ATRN: variants seen among roughly 807,000 people sequenced by gnomAD.
The protein encoded by ATRN is attractin-2.
Under a neutral mutation model 178.7 loss-of-function variants are expected in ATRN, and 54 were observed. That is an observed-to-expected ratio of 0.30 (90% confidence interval 0.24 to 0.38). ATRN has a LOEUF of 0.38. Ranked by LOEUF, ATRN falls within the 10% of genes least tolerant of loss-of-function variation. The pLI is 1.00. For missense variants in ATRN, 1,443 were observed against 1,815.1 expected (o/e 0.79, Z 3.73); for synonymous variants, 636 against 663.0 (o/e 0.96, Z 0.63).
chr20:3,602,019 T>C (rs1229022936), intron 23 of ATRN, among the ~76,000 whole-genome samples: 1 of 152,070 alleles, frequency 6.6e-6, no homozygotes, highest in Non-Finnish European at 1.5e-5. Flanking sequence ...TCCTCCTGTA[T>C]AAAGTAGGAT....
chr20:3,631,363 G>A (rs987124722), intron 25 of ATRN, among the ~76,000 whole-genome samples: 2 of 152,104 alleles, frequency 1.3e-5, no homozygotes, highest in African/African-American at 4.8e-5. Flanking sequence ...AACAAAAGTC[G>A]GGGGGAAATT....
At chr20:3,641,654 C>T (rs1348627213) in intron 27 of ATRN, among the ~76,000 whole-genome samples, 4 of 146,782 alleles carry the variant, frequency 2.7e-5, no homozygotes, top group Admixed American at 6.8e-5. Flanking sequence ...AAGCTGACCG[C>T]TAACTTCTCA....
At chr20:3,479,623 CCA>C (rs982443152) in intron 1 of ATRN, among the ~76,000 whole-genome samples, 1 of 152,170 alleles carries the variant, frequency 6.6e-6, no homozygotes, top group African/African-American at 2.4e-5. Context: ...CAGTGAAGTG[CCA>C]CAAACTCATG....
rs144892617 is a variant in ATRN at position 3,596,367 on chromosome 20, TC to T, written c.3417-3del. On this transcript the variant is annotated splice_polypyrimidine_tract_variant and intron_variant, in intron 20 of 28. Coordinates refer to ENST00000262919, the MANE Select transcript of ATRN (RefSeq NM_139321.3). ...AATAGCAGTATAAAATAGTCTTTTT[TC>T]CCCCCCAGATGTGAGGTAGAAAATC... 26 of 1,610,812 alleles carry T rather than the reference TC, an allele frequency of 1.6e-5. No individual in the cohort carries two copies. Among genetic ancestry groups the T allele is most frequent in the Admixed American group, 3.3e-5 (2 of 59,910 alleles).
At chr20:3,586,920 T>G (rs1202773903) in intron 18 of ATRN, among the ~76,000 whole-genome samples, 1 of 152,236 alleles carries the variant, frequency 6.6e-6, no homozygotes, top group Admixed American at 6.5e-5. Context: ...ATCTTTTTAA[T>G]GAAAACTGTT....
chr20:3,627,388 A>G (rs1397034054), intron 25 of ATRN, among the ~76,000 whole-genome samples: 3 of 152,250 alleles, frequency 2.0e-5, no homozygotes, highest in Non-Finnish European at 2.9e-5. Context: ...TTAGAAAAGA[A>G]AAAACATTCC....
intron 26 of ATRN, among the ~76,000 whole-genome samples, chr20:3,635,381 A>G (rs2087018063): frequency 6.6e-6 from 1 of 151,740 alleles, no homozygotes; most frequent in Admixed American, 6.6e-5. Context: ...AAATAAATAA[A>G]TAAATAAATA....
At chr20:3,616,172 T>C (rs1481211039) in intron 24 of ATRN, among the ~76,000 whole-genome samples, 1 of 152,208 alleles carries the variant, frequency 6.6e-6, no homozygotes, top group East Asian at 1.9e-4. Context: ...CTGGACTCTT[T>C]TTCCCTGGGC....
At chr20:3,532,035 T>C (rs1205771210) in intron 1 of ATRN, among the ~76,000 whole-genome samples, 2 of 152,118 alleles carry the variant, frequency 1.3e-5, no homozygotes, top group East Asian at 1.9e-4. Context: ...GAGGCTTTGG[T>C]AGGAGGATCA....
intron 1 of ATRN, among the ~76,000 whole-genome samples, chr20:3,512,107 A>ATATATATATATATATAT: frequency 8.9e-4 from 95 of 106,312 alleles, no homozygotes; most frequent in Non-Finnish European, 1.4e-3. Flanking sequence ...ATATATATAT[A>ATATATATATATATATAT]TTTTTTTTTT....
At chr20:3,593,630 C>A (rs2086483904) in intron 19 of ATRN, among the ~76,000 whole-genome samples, 1 of 152,174 alleles carries the variant, frequency 6.6e-6, no homozygotes, top group Admixed American at 6.5e-5. Context: ...GTCAGACACT[C>A]ATGATTCTGA....
chr20:3,646,640 A>G, intron 28 of ATRN, 83 bp from the exon 29 acceptor site: 4 of 1,457,918 alleles, frequency 2.7e-6, no homozygotes, highest in Non-Finnish European at 3.6e-6. Flanking sequence ...CATGGGATTG[A>G]AAAATAAATG....
intron 20 of ATRN, 49 bp from the exon 21 acceptor site, chr20:3,596,328 C>G: frequency 1.3e-6 from 2 of 1,533,662 alleles, no homozygotes; most frequent in Non-Finnish European, 1.8e-6. Flanking sequence ...AAAATGAATT[C>G]AGTTTCTGTT....
intron 6 of ATRN, among the ~76,000 whole-genome samples, chr20:3,558,682 CTT>C (rs1411798413): frequency 1.3e-5 from 2 of 151,550 alleles, no homozygotes; most frequent in Non-Finnish European, 2.9e-5. Context: ...TTAAAAAAAA[CTT>C]TTAGCTCTTT....
chr20:3,573,750 T>G lies in ATRN; in HGVS notation c.2092+799T>G, dbSNP rs570206040. ...ATATATTAAAAATTTATTTTTTGTT[T>G]TATTTTATTTTATTTATTTATTTAT... On this transcript the variant is annotated intron_variant, in intron 12 of 28. Coordinates refer to ENST00000262919, the MANE Select transcript of ATRN (RefSeq NM_139321.3). 5.3e-3 allele frequency among the ~76,000 whole-genome samples: 510 copies of G among 96,502 alleles called. 5 individuals are homozygous for G. Among genetic ancestry groups the G allele is most frequent in the African/African-American group, 0.021 (492 of 23,836 alleles). The allele number at this position is 96,502 out of a possible 152,430, so 63.3% of individuals were successfully genotyped here.
At chr20:3,497,642 G>T (rs1457818060) in intron 1 of ATRN, among the ~76,000 whole-genome samples, 1 of 151,990 alleles carries the variant, frequency 6.6e-6, no homozygotes, top group Non-Finnish European at 1.5e-5. Context: ...TATGTGTCTT[G>T]GAGTTGCTCT....
intron 24 of ATRN, among the ~76,000 whole-genome samples, chr20:3,612,007 A>G (rs1411382864): frequency 6.6e-6 from 1 of 152,240 alleles, no homozygotes. Flanking sequence ...TCCTAGAGAA[A>G]TGAAAACCAG....
At chr20:3,608,308 A>G (rs951305541) in intron 24 of ATRN, among the ~76,000 whole-genome samples, 23 of 152,226 alleles carry the variant, frequency 1.5e-4, no homozygotes, top group Admixed American at 1.3e-3. Flanking sequence ...GGATTTTCCC[A>G]ATATTTTCTT....
intron 6 of ATRN, among the ~76,000 whole-genome samples, chr20:3,554,557 A>G (rs2085839509): frequency 6.6e-6 from 1 of 151,844 alleles, no homozygotes; most frequent in Non-Finnish European, 1.5e-5. Flanking sequence ...GATGGTCTCG[A>G]TCTCCTGACC....
Sources: gnomAD v4.1 joint callset for allele counts (sites outside exome capture counted in the v4.1 genomes callset) on GRCh38, gnomAD v4.1.1 for gene constraint, MANE v1.5 for transcripts, NCBI Gene and HGNC (gene_info 2026-07-23, HGNC 2026-07-21) for gene names.